Variants in AHI1 observed in about 807,000 individuals in gnomAD.
The protein encoded by AHI1 is Abelson helper integration site 1.
Under a neutral mutation model 149.3 loss-of-function variants are expected in AHI1, and 123 were observed. That is an observed-to-expected ratio of 0.82 (90% confidence interval 0.71 to 0.96). The LOEUF (loss-of-function observed/expected upper bound fraction) is 0.96, where lower values mean the gene tolerates loss of function less well. AHI1 is among the 40% of genes least tolerant of loss of function. The pLI, the probability that AHI1 is intolerant of heterozygous loss-of-function variation, is 0.00. For missense variants in AHI1, 1,439 were observed against 1,422.7 expected, an observed-to-expected ratio of 1.01 and a Z score of -0.18; for synonymous variants, 475 against 459.8, an observed-to-expected ratio of 1.03 and a Z score of -0.42.
chr6:135,462,804 G>A (rs549816763), intron 8 of AHI1, among the ~76,000 whole-genome samples: 89 of 152,188 alleles, frequency 5.8e-4, no homozygotes, highest in African/African-American at 2.0e-3. Flanking sequence ...AGGAGGCCGA[G>A]GCAGGAGAAT....
chr6:135,492,470 G>A lies in AHI1; in HGVS notation c.-54-179C>T. On this transcript the variant is annotated intron_variant, in intron 3 of 28. Transcript: ENST00000265602. ...ACTTGGGTACATTTGAATCAGTTTAGGGCTCTAAAATCAAGGGAAACAAAC... is the reference window on the plus strand; with the variant it reads ...ACTTGGGTACATTTGAATCAGTTTAAGGCTCTAAAATCAAGGGAAACAAAC... 5 of 1,225,688 alleles carry A rather than the reference G, an allele frequency of 4.1e-6. 1 individual carries two copies. Among genetic ancestry groups the A allele is most frequent in the Non-Finnish European group, 3.1e-6 (3 of 980,760 alleles). The allele number at this position is 1,225,688 out of a possible 1,614,324, so 75.9% of individuals were successfully genotyped here.
rs187017076 is a variant in AHI1 at position 135,361,817 on chromosome 6, A to C, written c.3110-3630T>G. 5.5e-3 allele frequency among the ~76,000 whole-genome samples: 842 copies of C among 152,014 alleles called. 7 individuals are homozygous for C. The highest frequency in any genetic ancestry group is 0.019 in the African/African-American group (801 of 41,462). ...ATGTGTGTATCTTTGGATTTTGCTA[A>C]GCTTTTAAATTTTATTTTTTTTGAT... is the stretch of plus-strand genomic sequence containing the variant. On this transcript the variant is annotated intron_variant, in intron 23 of 28. Transcript: ENST00000265602.
chr6:135,446,701 C>T lies in AHI1; in HGVS notation c.1779+307G>A, dbSNP rs76143087. ...GCTAGCATCTTGATCTTGGACTTCT[C>T]GGCCTCCAGAACTGTGAGAAATAAA... On this transcript the variant is annotated intron_variant, in intron 13 of 28. Transcript: ENST00000265602. Among the ~76,000 whole-genome samples, 521 of 152,292 alleles carry T rather than the reference C, an allele frequency of 3.4e-3. 3 individuals are homozygous for T. Among genetic ancestry groups the T allele is most frequent in the African/African-American group, 0.012 (490 of 41,558 alleles).
At chr6:135,476,245 G>C (rs957015522) in intron 5 of AHI1, among the ~76,000 whole-genome samples, 1 of 151,992 alleles carries the variant, frequency 6.6e-6, no homozygotes, top group Non-Finnish European at 1.5e-5. Context: ...CCAAATATTT[G>C]GTGATACTGC....
At chr6:135,441,509 AAT>A (rs1249754829) in intron 14 of AHI1, among the ~76,000 whole-genome samples, 3 of 152,198 alleles carry the variant, frequency 2.0e-5, no homozygotes, top group African/African-American at 7.2e-5. Flanking sequence ...ATCATAATCA[AAT>A]AGTCAAAAAC....
At chr6:135,371,277 A>G (rs1775017484) in intron 23 of AHI1, among the ~76,000 whole-genome samples, 1 of 152,200 alleles carries the variant, frequency 6.6e-6, no homozygotes, top group African/African-American at 2.4e-5. Context: ...TTGTATATCC[A>G]AATATGCCTT....
chr6:135,330,453 T>C (rs758675386), intron 24 of AHI1, among the ~76,000 whole-genome samples: 1 of 152,216 alleles, frequency 6.6e-6, no homozygotes, highest in Non-Finnish European at 1.5e-5. Context: ...CACTAACGTA[T>C]GTACACTGAT....
intron 21 of AHI1, 58 bp from the exon 22 acceptor site, chr6:135,405,035 T>C (rs1249537819): frequency 7.1e-6 from 10 of 1,416,154 alleles, no homozygotes; most frequent in South Asian, 3.5e-5. Context: ...TATTGACTGT[T>C]TGCAAAACAC....
intron 21 of AHI1, among the ~76,000 whole-genome samples, chr6:135,409,941 T>A (rs1334562450): frequency 6.6e-6 from 1 of 152,218 alleles, no homozygotes; most frequent in Non-Finnish European, 1.5e-5. Context: ...ACAATCTATC[T>A]CATATTCATC....
chr6:135,348,759 C>T (rs938062756), intron 24 of AHI1, among the ~76,000 whole-genome samples: 3 of 151,844 alleles, frequency 2.0e-5, no homozygotes, highest in Non-Finnish European at 2.9e-5. Flanking sequence ...AGCAGGGTAG[C>T]GAGTCAAAAA....
chr6:135,409,260 A>AT (rs1781243393), intron 21 of AHI1, among the ~76,000 whole-genome samples: 1 of 152,152 alleles, frequency 6.6e-6, no homozygotes, highest in African/African-American at 2.4e-5. Context: ...TATACACACA[A>AT]ATATACACAT....
intron 22 of AHI1, among the ~76,000 whole-genome samples, chr6:135,397,176 T>A (rs1044877730): frequency 6.6e-6 from 1 of 151,986 alleles, no homozygotes; most frequent in Non-Finnish European, 1.5e-5. Context: ...TAATTATTAC[T>A]GTTATTATTA....
chr6:135,496,995 ATCG>A (rs1796052953), intron 2 of AHI1, among the ~76,000 whole-genome samples, 190 bp downstream of exon 2: 1 of 152,212 alleles, frequency 6.6e-6, no homozygotes, highest in Admixed American at 6.5e-5. Context: ...AGGTGAAAAA[ATCG>A]TTGGCATCTC....
chr6:135,320,713 G>C (rs1327325964), intron 25 of AHI1, among the ~76,000 whole-genome samples: 1 of 152,202 alleles, frequency 6.6e-6, no homozygotes, highest in Non-Finnish European at 1.5e-5. Flanking sequence ...CCTGCCTAGA[G>C]ATACACAAGG....
At chr6:135,417,073 T>G (rs920665365) in intron 20 of AHI1, among the ~76,000 whole-genome samples, 3 of 152,072 alleles carry the variant, frequency 2.0e-5, no homozygotes, top group Non-Finnish European at 4.4e-5. Context: ...AGAAAATAAG[T>G]GCTCCATGAA....
intron 21 of AHI1, among the ~76,000 whole-genome samples, chr6:135,409,084 G>A (rs1368320731): frequency 1.3e-5 from 2 of 152,058 alleles, no homozygotes; most frequent in South Asian, 2.1e-4. Flanking sequence ...CCTTTTAGAA[G>A]AACAGTTTAT....
Position 135,301,276 on chromosome 6 carries a change from A to G in AHI1, c.3427-718T>C, listed in dbSNP as rs1245556194. 7.1e-6 allele frequency: 7 copies of G among 981,648 alleles called. No homozygotes were observed. The African/African-American group carries it at 1.0e-4, about 15-fold the overall frequency. 60.8% of individuals were successfully genotyped at this position (981,648 alleles called of 1,614,324 possible). On this transcript the variant is annotated intron_variant, in intron 26 of 28. Coordinates refer to ENST00000265602, the MANE Select transcript of AHI1 (RefSeq NM_001134831.2). ...GGAAAGGATTCGTTTAACACTCACA[A>G]AGAAAATATAAATTGTTACTATGTT... is the stretch of plus-strand genomic sequence containing the variant.
chr6:135,494,853 T>C (rs1052334977), intron 3 of AHI1, among the ~76,000 whole-genome samples: 1 of 152,016 alleles, frequency 6.6e-6, no homozygotes, highest in African/African-American at 2.4e-5. Context: ...CAAACCCAAG[T>C]TTTAAAGGAG....
At chr6:135,386,691 C>T (rs1021545754) in intron 23 of AHI1, among the ~76,000 whole-genome samples, 4 of 151,864 alleles carry the variant, frequency 2.6e-5, no homozygotes, top group South Asian at 2.1e-4. Flanking sequence ...AGTGCAATGG[C>T]GTGGTCTCAG....
Sources: allele counts gnomAD v4.1 joint callset (sites outside exome capture counted in the v4.1 genomes callset), GRCh38; gene constraint gnomAD v4.1.1; transcripts MANE v1.5; gene names NCBI Gene and HGNC (gene_info 2026-07-23, HGNC 2026-07-21).